The following ADGRL2 variants were observed in gnomAD, a reference collection of about 807,000 sequenced individuals.
ADGRL2 encodes the protein adhesion G protein-coupled receptor L2.
ADGRL2 carries 44 observed loss-of-function variants against 157.4 expected under a neutral mutation model. The ratio of observed to expected loss-of-function variants is 0.28; its 90% CI spans 0.22 to 0.36. The LOEUF (loss-of-function observed/expected upper bound fraction) is 0.36, where lower values mean the gene tolerates loss of function less well. ADGRL2 is among the 10% of genes least tolerant of loss of function. ADGRL2 has a pLI of 1.00. For synonymous variants in ADGRL2, 585 were observed against 624.7 expected (o/e 0.94, Z 0.95); for missense variants, 1,510 against 1,768.9 (o/e 0.85, Z 2.63).
At chr1:81,938,870 T>C (rs1327911468) in intron 4 of ADGRL2, among the ~76,000 whole-genome samples, 3 of 151,628 alleles carry the variant, frequency 2.0e-5, no homozygotes, top group Non-Finnish European at 4.4e-5. Flanking sequence ...CTGTCCATTG[T>C]ATTCATTCCT....
At chr1:81,787,491 C>A (rs1031428915) in intron 2 of ADGRL2, among the ~76,000 whole-genome samples, 1 of 151,680 alleles carries the variant, frequency 6.6e-6, no homozygotes, top group African/African-American at 2.4e-5. Context: ...CCTATCTCTA[C>A]CGAAAATACA....
intron 1 of ADGRL2, among the ~76,000 whole-genome samples, chr1:81,307,754 A>G (rs1410085): frequency 0.42 from 64,242 of 151,646 alleles, 14,345 homozygotes; most frequent in Middle Eastern, 0.51. Flanking sequence ...GTAGTTAGTG[A>G]AGTTCGAAGG....
In ADGRL2 at chr1:81,779,169, T is replaced by G. The variant is rs144988467; in HGVS notation, c.-101+17317T>G. ...GAACAAATCAAAGTACCTGCATTCA[T>G]GGAGCTTACATTCCACTACAGGAAA... On this transcript the variant is annotated intron_variant, in intron 2 of 20. Transcript: ENST00000359929. Among the ~76,000 whole-genome samples the G allele has an allele frequency of 5.4e-4, 82 of 152,280 alleles. 1 individual carries two copies. The highest frequency in any genetic ancestry group is 3.4e-3 in the Middle Eastern group (1 of 294).
intron 1 of ADGRL2, among the ~76,000 whole-genome samples, chr1:81,365,752 T>C (rs950859902): frequency 6.6e-6 from 1 of 152,170 alleles, no homozygotes; most frequent in Non-Finnish European, 1.5e-5. Flanking sequence ...TCAACCTTAG[T>C]TGAAATCTAT....
intron 1 of ADGRL2, among the ~76,000 whole-genome samples, chr1:81,342,291 T>C (rs932028335): frequency 6.6e-6 from 1 of 152,220 alleles, no homozygotes; most frequent in African/African-American, 2.4e-5. Context: ...ATTGAGTCCA[T>C]AGAAATTACA....
At chr1:81,587,848 G>A (rs1300837145) in intron 3 of ADGRL2, among the ~76,000 whole-genome samples, 2 of 152,010 alleles carry the variant, frequency 1.3e-5, no homozygotes, top group Non-Finnish European at 2.9e-5. Context: ...AGGTTTAGGA[G>A]GTATAATTAA....
chr1:81,957,388 G>A (rs2149160139), intron 11 of ADGRL2, among the ~76,000 whole-genome samples: 1 of 152,246 alleles, frequency 6.6e-6, no homozygotes, highest in East Asian at 1.9e-4. Flanking sequence ...TAGTACCTAT[G>A]TTTTTCAGAG....
chr1:81,950,472 G>A lies in ADGRL2; in HGVS notation c.1494G>A (p.Lys498=). 1.2e-6 allele frequency: 2 copies of A among 1,611,744 alleles called. No individual in the cohort carries two copies. The highest frequency in any genetic ancestry group is 1.1e-5 in the South Asian group (1 of 90,908). ...RGMMVERPCP[K]GTRGTASYLC... ...TGATGGTTGAACGACCATGCCCTAA[G>A]GGAACAAGAGGTATTTTCTATAAAC... The change falls in exon 7 of 24, where the codon AAG becomes AAA. Residue 498 remains lysine (K), a synonymous_variant. Coordinates refer to ENST00000686636, the MANE Select transcript of ADGRL2 (RefSeq NM_001366006.2).
chr1:81,877,381 A>G (rs1042641777), intron 2 of ADGRL2, among the ~76,000 whole-genome samples: 1 of 152,108 alleles, frequency 6.6e-6, no homozygotes, highest in African/African-American at 2.4e-5. Flanking sequence ...GAGGATTAAA[A>G]TATTACTATT....
chr1:81,864,907 G>T (rs1182022917), intron 2 of ADGRL2, among the ~76,000 whole-genome samples: 1 of 152,032 alleles, frequency 6.6e-6, no homozygotes, highest in South Asian at 2.1e-4. Context: ...AATCCCTTGC[G>T]CCTGTGATGC....
chr1:81,965,970 T>C (rs1572408130), intron 11 of ADGRL2, 88 bp from the exon 12 acceptor site: 1 of 1,300,820 alleles, frequency 7.7e-7, no homozygotes, highest in Non-Finnish European at 1.1e-6. Context: ...AAGAAAACAG[T>C]AGTTTCCATA....
intron 1 of ADGRL2, among the ~76,000 whole-genome samples, chr1:81,334,968 C>T (rs776487867): frequency 2.6e-5 from 4 of 152,132 alleles, no homozygotes; most frequent in Non-Finnish European, 5.9e-5. Flanking sequence ...ATGTCAAGGG[C>T]TTCACATGTT....
At chr1:81,803,074 A>G (rs1365040157) in intron 1 of ADGRL2, among the ~76,000 whole-genome samples, 2 of 152,012 alleles carry the variant, frequency 1.3e-5, no homozygotes, top group African/African-American at 4.8e-5. Flanking sequence ...GGGAGAAGTT[A>G]CGGAGTGTAT....
chr1:81,714,771 A>G (rs764838518), intron 1 of ADGRL2, among the ~76,000 whole-genome samples: 27 of 152,146 alleles, frequency 1.8e-4, no homozygotes, highest in Middle Eastern at 6.3e-3. Context: ...TAATCCTGTA[A>G]CAATAACTTG....
intron 3 of ADGRL2, among the ~76,000 whole-genome samples, chr1:81,686,838 A>G (rs2083237667): frequency 6.6e-6 from 1 of 152,080 alleles, no homozygotes; most frequent in African/African-American, 2.4e-5. Flanking sequence ...GTTGTATCAT[A>G]ATTGTCATTC....
At chr1:81,505,869 C>T (rs997516202) in intron 2 of ADGRL2, 31 of 341,624 alleles carry the variant, frequency 9.1e-5, no homozygotes, top group African/African-American at 6.0e-4. Context: ...AAAATGGGAT[C>T]AATGTCATTA....
At chr1:81,980,012 C>A in intron 18 of ADGRL2, 52 bp downstream of exon 18, 2 of 992,980 alleles carry the variant, frequency 2.0e-6, no homozygotes, top group South Asian at 1.3e-5. Context: ...GTAAAAGATA[C>A]TCTCCACAGG....
intron 1 of ADGRL2, among the ~76,000 whole-genome samples, chr1:81,330,912 T>C (rs966005615): frequency 1.3e-5 from 2 of 152,192 alleles, no homozygotes; most frequent in African/African-American, 4.8e-5. Context: ...TGTTAATAAC[T>C]ATGACTGTTA....
At chr1:81,729,639 C>G (rs1391701343) in intron 1 of ADGRL2, among the ~76,000 whole-genome samples, 2 of 152,050 alleles carry the variant, frequency 1.3e-5, no homozygotes, top group African/African-American at 4.8e-5. Context: ...CATTGCAATT[C>G]AAGTCTATTA....
Sources: gnomAD v4.1 joint callset for allele counts (sites outside exome capture counted in the v4.1 genomes callset) on GRCh38, gnomAD v4.1.1 for gene constraint, MANE v1.5 for transcripts, NCBI Gene and HGNC (gene_info 2026-07-23, HGNC 2026-07-21) for gene names.